RASEF: variants seen among roughly 807,000 people sequenced by gnomAD.
RASEF encodes RAS and EF-hand domain containing.
A neutral mutation model predicts 90.1 loss-of-function variants in RASEF; 68 were observed. The ratio of observed to expected loss-of-function variants is 0.75; its 90% CI spans 0.62 to 0.92. The LOEUF is 0.92. Ranked by LOEUF, RASEF falls within the 40% of genes least tolerant of loss-of-function variation. RASEF has a pLI of 0.00. For synonymous variants in RASEF, 331 were observed against 345.2 expected, an observed-to-expected ratio of 0.96 and a Z score of 0.46; for missense variants, 949 against 937.2, an observed-to-expected ratio of 1.01 and a Z score of -0.16.
intron 6 of RASEF, among the ~76,000 whole-genome samples, chr9:83,009,334 C>T (rs1829197037): frequency 1.3e-5 from 2 of 152,092 alleles, no homozygotes. Context: ...GCCAGGATTC[C>T]TGACTTCAAA....
chr9:83,010,853 C>T (rs114411928), intron 5 of RASEF, among the ~76,000 whole-genome samples: 1,697 of 152,022 alleles, frequency 0.011, 33 homozygotes, highest in African/African-American at 0.039. Flanking sequence ...CTGTTCACAC[C>T]GTCCCACAGG....
the RASEF span, among the ~76,000 whole-genome samples, chr9:83,218,454 G>A: frequency 6.6e-6 from 1 of 151,992 alleles, no homozygotes; most frequent in African/African-American, 2.4e-5. Flanking sequence ...AAAGCACCCT[G>A]AATGTGAGGT....
the RASEF span, among the ~76,000 whole-genome samples, chr9:83,108,144 G>C: frequency 0.05 from 7,577 of 152,162 alleles, 247 homozygotes; most frequent in South Asian, 0.097. Context: ...TCTATACCTT[G>C]ATCTGGGTAG....
intron 7 of RASEF, 86 bp downstream of exon 7, chr9:83,007,351 C>G: frequency 9.4e-7 from 1 of 1,059,768 alleles, no homozygotes; most frequent in South Asian, 1.3e-5. Flanking sequence ...CAGAACATGG[C>G]AACTCACGTT....
the RASEF span, among the ~76,000 whole-genome samples, chr9:83,116,251 C>A: frequency 6.6e-6 from 1 of 152,136 alleles, no homozygotes; most frequent in Non-Finnish European, 1.5e-5. Flanking sequence ...TATACTTTGC[C>A]AGTCAGAATT....
At chr9:83,132,131 T>A in the RASEF span, among the ~76,000 whole-genome samples, 1 of 152,208 alleles carries the variant, frequency 6.6e-6, no homozygotes, top group Admixed American at 6.5e-5. Context: ...TTGTGACCAC[T>A]TGTAATAAAA....
rs901158712 is a variant in RASEF at position 82,992,993 on chromosome 9, C to A, written c.1953G>T (p.Leu651=). ...DAAHETVPIM[L]VGNKADIRDT... is the part of the protein sequence containing the mutation. ...CACGAATGTCAGCCTTGTTTCCTACCAGCATAATGGGAACAGTCTCATGGG... is the reference window on the plus strand; with the variant it reads ...CACGAATGTCAGCCTTGTTTCCTACAAGCATAATGGGAACAGTCTCATGGG... The change falls in exon 15 of 17, where the codon CTG becomes CTT. Residue 651 remains leucine, a synonymous_variant. Transcript: ENST00000376447. The A allele has an allele frequency of 6.2e-7, 1 of 1,613,848 alleles. No homozygotes were observed. The highest frequency in any genetic ancestry group is 8.5e-7 in the Non-Finnish European group (1 of 1,179,898).
chr9:83,159,850 G>A, the RASEF span, among the ~76,000 whole-genome samples: 1 of 152,182 alleles, frequency 6.6e-6, no homozygotes, highest in South Asian at 2.1e-4. Context: ...AACCCAGTGG[G>A]AGGTGATTGA....
intron 1 of RASEF, among the ~76,000 whole-genome samples, chr9:83,056,367 C>G (rs1229909619): frequency 2.0e-5 from 3 of 152,160 alleles, no homozygotes; most frequent in African/African-American, 7.2e-5. Flanking sequence ...GGTGAGGCAG[C>G]CCTGAACACT....
At chr9:83,030,988 G>A (rs1278844477) in intron 1 of RASEF, among the ~76,000 whole-genome samples, 1 of 151,892 alleles carries the variant, frequency 6.6e-6, no homozygotes, top group African/African-American at 2.4e-5. Flanking sequence ...ACTCCAATAT[G>A]GCTAAGCCTC....
At chr9:83,214,800 C>A in the RASEF span, among the ~76,000 whole-genome samples, 2 of 151,964 alleles carry the variant, frequency 1.3e-5, no homozygotes. Flanking sequence ...CCTCCCCAGC[C>A]ATGTAGAACT....
At chr9:82,995,917 GATA>G (rs1828909579) in intron 14 of RASEF, among the ~76,000 whole-genome samples, 1 of 152,130 alleles carries the variant, frequency 6.6e-6, no homozygotes, top group Non-Finnish European at 1.5e-5. Context: ...AAAAACTTAG[GATA>G]ATATGTTTTC....
chr9:83,212,227 C>T, the RASEF span, among the ~76,000 whole-genome samples: 1 of 152,188 alleles, frequency 6.6e-6, no homozygotes, highest in Admixed American at 6.5e-5. Flanking sequence ...GGTCACATAG[C>T]TGTAGATAGG....
At chr9:83,084,087 G>A in the RASEF span, among the ~76,000 whole-genome samples, 468 of 152,052 alleles carry the variant, frequency 3.1e-3, 1 homozygote, top group Non-Finnish European at 4.7e-3. Flanking sequence ...TAACAAGAAC[G>A]TGGTATAAGT....
At chr9:83,160,553 A>G in the RASEF span, among the ~76,000 whole-genome samples, 1 of 152,238 alleles carries the variant, frequency 6.6e-6, no homozygotes, top group Non-Finnish European at 1.5e-5. Flanking sequence ...TAAGAGAGGC[A>G]GAACGTAAAA....
the RASEF span, among the ~76,000 whole-genome samples, chr9:83,164,215 G>A: frequency 1.3e-5 from 2 of 150,954 alleles, no homozygotes; most frequent in African/African-American, 4.8e-5. Flanking sequence ...GAAAGGATGA[G>A]CATCAGAGGA....
the RASEF span, among the ~76,000 whole-genome samples, chr9:83,147,259 G>A: frequency 6.6e-6 from 1 of 152,028 alleles, no homozygotes; most frequent in African/African-American, 2.4e-5. Flanking sequence ...ACTATGCACA[G>A]TGCTGCTAAT....
the RASEF span, among the ~76,000 whole-genome samples, chr9:83,164,341 A>G: frequency 1.1e-5 from 1 of 89,758 alleles, no homozygotes; most frequent in African/African-American, 3.3e-5. Context: ...ATATTTGTAT[A>G]TGTGTGTATA....
At chr9:83,063,340 G>A (rs1286008536), upstream of RASEF, among the ~76,000 whole-genome samples, 1 of 152,212 alleles carries the variant, frequency 6.6e-6, no homozygotes, top group Admixed American at 6.5e-5. Context: ...CGTAAGCGCT[G>A]CTCAGGTAGA....
Sources: gnomAD v4.1 joint callset for allele counts (sites outside exome capture counted in the v4.1 genomes callset) on GRCh38, gnomAD v4.1.1 for gene constraint, MANE v1.5 for transcripts, NCBI Gene and HGNC (gene_info 2026-07-23, HGNC 2026-07-21) for gene names.